Variants in KMT2D observed in about 807,000 individuals in gnomAD.
The protein encoded by KMT2D is lysine methyltransferase 2D, also known as histone-lysine N-methyltransferase 2D.
Under a neutral mutation model 512.7 loss-of-function variants are expected in KMT2D, and 55 were observed. That is an observed-to-expected ratio of 0.11 (90% CI 0.09 to 0.13). KMT2D has a LOEUF of 0.13. Among genes scored for constraint, KMT2D ranks in the 10% least tolerant of loss-of-function variants. The probability of loss-of-function intolerance (pLI) is 1.00; values close to 1 mark genes in which losing one functional copy is unlikely to be tolerated. For missense variants in KMT2D, 6,061 were observed against 7,127.9 expected (o/e 0.85, Z 5.39); for synonymous variants, 2,995 against 2,904.0 (o/e 1.03, Z -1.01).
intron 1 of KMT2D, among the ~76,000 whole-genome samples, chr12:49,058,223 A>G (rs1679669060): frequency 6.6e-6 from 1 of 152,116 alleles, no homozygotes; most frequent in Non-Finnish European, 1.5e-5. Flanking sequence ...TCATCCTGAG[A>G]GCAGGCACAG....
intron 35 of KMT2D, among the ~76,000 whole-genome samples, chr12:49,035,191 A>C (rs1479032779): frequency 2.0e-5 from 3 of 152,112 alleles, no homozygotes; most frequent in African/African-American, 7.2e-5. Context: ...GTGTTATTTC[A>C]CCTCAGTTTA....
At position 49,026,087 on chromosome 12, in the gene KMT2D, T is replaced by C. The variant is rs78828027; in HGVS notation, c.15784+95A>G. 7,490 of 1,228,876 alleles carry C rather than the reference T, an allele frequency of 6.1e-3. 247 individuals are homozygous for C. The African/African-American group carries it at 0.082, about 14-fold the overall frequency. The allele number at this position is 1,228,876 out of a possible 1,614,324, so 76.1% of individuals were successfully genotyped here. On this transcript the variant is annotated intron_variant, in intron 49 of 54. Coordinates refer to ENST00000301067, the MANE Select transcript of KMT2D (RefSeq NM_003482.4). The surrounding 1 kb of genome is among the most constrained non-coding windows in gnomAD (Gnocchi z 9.6). ...GGTGGGGGAAGGAGGATCATTCACATAGAAGCTACAGGTCCTCTTATAGAC... is the reference window on the plus strand; with the variant it reads ...GGTGGGGGAAGGAGGATCATTCACACAGAAGCTACAGGTCCTCTTATAGAC...
At position 49,038,567 on chromosome 12, in the gene KMT2D, G is replaced by A. The variant is rs777025180; in HGVS notation, c.8789C>T (p.Pro2930Leu). The change falls in exon 35 of 55, where the codon CCC becomes CTC. Residue 2930 changes from proline to leucine, a missense_variant. Coordinates refer to ENST00000301067, the MANE Select transcript of KMT2D (RefSeq NM_003482.4). This position sits in a 1 kb window ranked among gnomAD's most constrained non-coding sequence, Gnocchi z 5.7. The stretch of plus-strand genomic sequence containing the variant: ...CGGTGGGGCTGAGGGTTTCTGTGGG[G>A]GAAGACCTGATACCGCCAGGCCCCG... Reference protein sequence around the residue: ...GLRGLAVSGLPPQKPSAPPAP... With the variant: ...GLRGLAVSGLLPQKPSAPPAP... 1.9e-6 allele frequency: 3 copies of A among 1,612,428 alleles called. No homozygotes were observed. The highest frequency in any genetic ancestry group is 2.5e-6 in the Non-Finnish European group (3 of 1,179,098).
rs1350708887 is a variant in KMT2D at position 49,024,165 on chromosome 12, C to A, written c.16052+413G>T. On this transcript the variant is annotated intron_variant, in intron 51 of 54. Coordinates refer to ENST00000301067, the MANE Select transcript of KMT2D (RefSeq NM_003482.4). This position sits in a 1 kb window ranked among gnomAD's most constrained non-coding sequence, Gnocchi z 4.5. ...GTTTTATTATTTTTCTATTATATCT[C>A]TAACTATTTATTTTTGACACCAACA... 2 of 447,818 alleles carry A rather than the reference C, an allele frequency of 4.5e-6. No individual in the cohort carries two copies. Among genetic ancestry groups the A allele is most frequent in the Non-Finnish European group, 8.8e-6 (2 of 227,594 alleles). The allele number at this position is 447,818 out of a possible 1,614,324, so 27.7% of individuals were successfully genotyped here.
rs1290190387 is a variant in KMT2D at position 49,050,071 on chromosome 12, T to G, written c.3517A>C (p.Lys1173Gln). 6.2e-7 allele frequency: 1 copy of G among 1,613,758 alleles called. No homozygotes were observed. The highest frequency in any genetic ancestry group is 8.5e-7 in the Non-Finnish European group (1 of 1,179,874). The change falls in exon 12 of 55, where the codon AAG becomes CAG. Residue 1173 changes from lysine to glutamine, a missense_variant. Coordinates refer to ENST00000301067, the MANE Select transcript of KMT2D (RefSeq NM_003482.4). ...VTPMEVYPEC[K>Q]QTAGQGSPCE... is the part of the protein sequence containing the mutation. The stretch of plus-strand genomic sequence containing the variant: ...GGTGAGCCCTGCCCTGCTGTCTGCT[T>G]GCATTCGGGGTAGACCTCCATAGGG...
chr12:49,032,825 T>TTGC lies in KMT2D; in HGVS notation c.11877_11879dup (p.Gln3965dup). ...GCTGTTGAAACTGCTGCTGTTGTTG[T>TTGC]TGCTGTTGCTGTTGTAGCTGCTGTT... On this transcript the variant is annotated inframe_insertion, in exon 40 of 55. Coordinates refer to ENST00000301067, the MANE Select transcript of KMT2D (RefSeq NM_003482.4). 1 of 1,550,678 alleles carries TTGC rather than the reference T, an allele frequency of 6.4e-7. No individual in the cohort carries two copies. The highest frequency in any genetic ancestry group is 1.4e-5 in the African/African-American group (1 of 73,026).
rs1335023526 is a variant in KMT2D at position 49,026,546 on chromosome 12, C to T, written c.15420G>A (p.Gly5140=). ...AAGAGCTCAGCTCTTGCTCACAGGG[C>T]CCCTTGATCTTATGCATTGGACACA... ...TMLCPMHKIK[G]PCEQELSSFA... Residue 5140 remains glycine, a synonymous_variant, in exon 49 of 55, where the codon GGG becomes GGA. Transcript: ENST00000301067. The surrounding 1 kb of genome is among the most constrained non-coding windows in gnomAD (Gnocchi z 9.6). 1.9e-6 allele frequency: 3 copies of T among 1,613,988 alleles called. No individual in the cohort carries two copies.
rs2120489525 is a variant in KMT2D, at chr12:49,038,036, G to C, written c.9320C>G (p.Ser3107Cys). The change falls in exon 35 of 55, where the codon TCT (serine) becomes TGT (cysteine). Residue 3107 changes from serine (S) to cysteine (C), a missense_variant. Coordinates refer to ENST00000301067, the MANE Select transcript of KMT2D (RefSeq NM_003482.4). This position sits in a 1 kb window ranked among gnomAD's most constrained non-coding sequence, Gnocchi z 5.7. ...EERPPPAADA[S>C]EPRLASVLPE... The stretch of plus-strand genomic sequence containing the variant: ...GAGCACAGATGCCAGGCGGGGTTCA[G>C]AGGCATCAGCAGCAGGGGGAGGGCG... The C allele has an allele frequency of 6.2e-7, 1 of 1,611,040 alleles. No individual in the cohort carries two copies. The highest frequency in any genetic ancestry group is 8.5e-7 in the Non-Finnish European group (1 of 1,178,808).
rs905939046 is a variant in KMT2D, at chr12:49,051,351, A to G, written c.2332T>C (p.Cys778Arg). The change falls in exon 11 of 55, where the codon TGC (cysteine) becomes CGC (arginine). Residue 778 changes from cysteine to arginine, a missense_variant. This residue lies in a region of KMT2D where 848 missense variants were observed against 838.5 expected (regional missense o/e 1.01). Transcript: ENST00000301067. ...PHLSPQPEEP[C>R]LCAVPEEPHL... ...GGCTCCTCAGGCACAGCGCATAGGC[A>G]TGGCTCCTCAGGCTGGGGGGACAGG... 25 of 1,557,172 alleles carry G rather than the reference A, an allele frequency of 1.6e-5. No individual in the cohort carries two copies. The highest frequency in any genetic ancestry group is 2.4e-5 in the East Asian group (1 of 42,078).
At position 49,054,956 on chromosome 12, in the gene KMT2D, C is replaced by G. The variant is rs1339776566; in HGVS notation, c.120G>C (p.Glu40Asp). 2 of 1,613,874 alleles carry G rather than the reference C, an allele frequency of 1.2e-6. No individual in the cohort carries two copies. Among genetic ancestry groups the G allele is most frequent in the African/African-American group, 2.7e-5 (2 of 74,908 alleles). ...ESDLPNPHVG[E>D]VSVLSSGSPR... ...GACTCCCAGAACTAAGGACAGAGAC[C>G]TCTCCCACATGTGGGTTGGGCAGGT... Residue 40 changes from glutamate to aspartate, a missense_variant, in exon 3 of 55, where the codon GAG becomes GAC. Glu to Asp is a conservative substitution (Grantham distance 45). Transcript: ENST00000301067. The surrounding 1 kb of genome is among the most constrained non-coding windows in gnomAD (Gnocchi z 6.4).
chr12:49,034,342 C>G (rs1418380162), intron 38 of KMT2D, 43 bp from the exon 39 acceptor site: 1 of 1,610,366 alleles, frequency 6.2e-7, no homozygotes, highest in Non-Finnish European at 8.5e-7. Context: ...AAAGGGTAAT[C>G]CCAATCCCTC....
At position 49,033,431 on chromosome 12, in the gene KMT2D, C is replaced by T; in HGVS notation, c.11274G>A (p.Gln3758=). ...GGTTTGTCTGTACTCCAGGACCCTG[C>T]TGCTGTTGCTGCTGGATTGCCACCT... is the stretch of plus-strand genomic sequence containing the variant. ...LGQVAIQQQQ[Q]QGPGVQTNQA... is the part of the protein sequence containing the mutation. The change falls in exon 40 of 55, where the codon CAG becomes CAA. Residue 3758 remains glutamine, a synonymous_variant. Transcript: ENST00000301067. 6.3e-7 allele frequency: 1 copy of T among 1,585,392 alleles called. No homozygotes were observed. Among genetic ancestry groups the T allele is most frequent in the Admixed American group, 1.8e-5 (1 of 54,062 alleles).
Position 49,052,724 on chromosome 12 carries a change from G to C in KMT2D, c.1113-15C>G. On this transcript the variant is annotated splice_polypyrimidine_tract_variant and intron_variant, in intron 9 of 54. Coordinates refer to ENST00000301067, the MANE Select transcript of KMT2D (RefSeq NM_003482.4). ...GGGGTGAAAATCTGCAGAGGGTACA[G>C]GGGAGCAGGCACTGTGGCTCTCACC... 1 of 1,611,296 alleles carries C rather than the reference G, an allele frequency of 6.2e-7. No homozygotes were observed. The highest frequency in any genetic ancestry group is 2.2e-5 in the East Asian group (1 of 44,806).
rs1365753920 is a variant in KMT2D at position 49,033,094 on chromosome 12, C to T, written c.11611G>A (p.Ala3871Thr). 1.3e-6 allele frequency: 2 copies of T among 1,551,426 alleles called. No individual in the cohort carries two copies. Among genetic ancestry groups the T allele is most frequent in the Admixed American group, 3.9e-5 (2 of 50,986 alleles). Residue 3871 changes from alanine (A) to threonine (T), a missense_variant, in exon 40 of 55, where the codon GCA (alanine) becomes ACA (threonine). Physicochemically the swap from Ala to Thr is moderately conservative, Grantham distance 58 (BLOSUM62 0). This residue lies in a region of KMT2D where 1,600 missense variants were observed against 1,754.9 expected (regional missense o/e 0.91). Coordinates refer to ENST00000301067, the MANE Select transcript of KMT2D (RefSeq NM_003482.4). Reference sequence around the variant, plus strand: ...CTCTGCTGAAGATGGGACAGCCCTGCCATGGACCCTTGCTGTTGGTGCTGT... The same window carrying T: ...CTCTGCTGAAGATGGGACAGCCCTGTCATGGACCCTTGCTGTTGGTGCTGT... Reference protein sequence around the residue: ...QQQHQQQGSMAGLSHLQQSLM... With the variant: ...QQQHQQQGSMTGLSHLQQSLM...
At position 49,019,651 on chromosome 12, in the gene KMT2D, T is replaced by C. The variant is rs1201617717; in HGVS notation, c.*2129A>G. On this transcript the variant is annotated 3_prime_UTR_variant, in exon 55 of 55. Transcript: ENST00000301067. ...TCCCTGTAGCCTAGACCTTCTGCTCTCGGAAAAGGAACATCCAAGGGCTGT... is the reference window on the plus strand; with the variant it reads ...TCCCTGTAGCCTAGACCTTCTGCTCCCGGAAAAGGAACATCCAAGGGCTGT... 4.3e-6 allele frequency: 1 copy of C among 231,046 alleles called. No homozygotes were observed. Among genetic ancestry groups the C allele is most frequent in the Non-Finnish European group, 8.6e-6 (1 of 116,438 alleles). 14.3% of individuals were successfully genotyped at this position (231,046 alleles called of 1,614,324 possible).
rs2120518849 is a variant in KMT2D, at chr12:49,039,885, A to G, written c.7885T>C (p.Ser2629Pro). The change falls in exon 32 of 55, where the codon TCC (serine) becomes CCC (proline). Residue 2629 changes from serine to proline, a missense_variant. Physicochemically the swap from Ser to Pro is moderately conservative, Grantham distance 74. This residue lies in a region of KMT2D where 527 missense variants were observed against 578.9 expected (regional missense o/e 0.91). Coordinates refer to ENST00000301067, the MANE Select transcript of KMT2D (RefSeq NM_003482.4). The surrounding 1 kb of genome is among the most constrained non-coding windows in gnomAD (Gnocchi z 5.0). ...PAPDGSLPYL[S>P]HGASQRSGIT... is the part of the protein sequence containing the mutation. ...CCTGATCGCTGTGAGGCTCCATGGG[A>G]CAGGTAGGGGAGGGATCCGTCGGGT... 6.2e-7 allele frequency: 1 copy of G among 1,613,952 alleles called. No homozygotes were observed. The highest frequency in any genetic ancestry group is 8.5e-7 in the Non-Finnish European group (1 of 1,179,870).
At chr12:49,030,552 C>G (rs1193692519) in intron 42 of KMT2D, 49 bp downstream of exon 42, 1 of 1,519,682 alleles carries the variant, frequency 6.6e-7, no homozygotes, top group African/African-American at 1.4e-5. Context: ...CCCACCCTCA[C>G]CTTCCCAAGA....
Position 49,051,460 on chromosome 12 carries a change from C to G in KMT2D, c.2223G>C (p.Pro741=), listed in dbSNP as rs374923646. 11 of 1,612,678 alleles carry G rather than the reference C, an allele frequency of 6.8e-6. No individual in the cohort carries two copies. The highest frequency in any genetic ancestry group is 4.0e-5 in the African/African-American group (3 of 74,598). ...GCTCCTCAGGCCGGGGTGACAGGTGCGGCCCCTCGGACCGGGGGCAGAGTT... is the reference window on the plus strand; with the variant it reads ...GCTCCTCAGGCCGGGGTGACAGGTGGGGCCCCTCGGACCGGGGGCAGAGTT... ...EPQLCPRSEG[P]HLSPRPEEPH... The change falls in exon 11 of 55, where the codon CCG becomes CCC. Residue 741 remains proline, a synonymous_variant. Coordinates refer to ENST00000301067, the MANE Select transcript of KMT2D (RefSeq NM_003482.4).
In KMT2D at chr12:49,046,439, A is replaced by C; in HGVS notation, c.4419-15T>G. The stretch of plus-strand genomic sequence containing the variant: ...AGGACACACACCTGATAGGAGCAGG[A>C]AAACAGAGCTTTAGCACCCAACCTA... On this transcript the variant is annotated splice_polypyrimidine_tract_variant and intron_variant, in intron 16 of 54. Coordinates refer to ENST00000301067, the MANE Select transcript of KMT2D (RefSeq NM_003482.4). This position sits in a 1 kb window ranked among gnomAD's most constrained non-coding sequence, Gnocchi z 4.2. The C allele has an allele frequency of 1.9e-6, 3 of 1,611,876 alleles. No individual in the cohort carries two copies. In the South Asian group the frequency reaches 3.3e-5, roughly 18 times the overall value.
Sources: gnomAD v4.1 joint callset for allele counts (sites outside exome capture counted in the v4.1 genomes callset) on GRCh38, gnomAD v4.1.1 for gene constraint, gnomAD v4.1.1 regional missense constraint, Gnocchi (gnomAD v3.1) non-coding constraint, MANE v1.5 for transcripts, NCBI Gene and HGNC (gene_info 2026-07-23, HGNC 2026-07-21) for gene names.